ALCAM: variants seen among roughly 807,000 people sequenced by gnomAD.
The protein encoded by ALCAM is CD166 antigen.
In ALCAM, 30 loss-of-function variants were observed where a neutral mutation model predicts 70.9. That is an observed-to-expected ratio of 0.42 (90% CI 0.32 to 0.57). ALCAM has a LOEUF of 0.57. Ranked by LOEUF, ALCAM falls within the 20% of genes least tolerant of loss-of-function variation. The probability of loss-of-function intolerance (pLI) is 0.11; values close to 1 mark genes in which losing one functional copy is unlikely to be tolerated. For synonymous variants in ALCAM, 249 were observed against 242.5 expected (o/e 1.03, Z -0.25); for missense variants, 591 against 695.1 (o/e 0.85, Z 1.68).
chr3:105,499,222 A>T (rs1938853160), intron 1 of ALCAM, among the ~76,000 whole-genome samples: 1 of 152,228 alleles, frequency 6.6e-6, no homozygotes, highest in African/African-American at 2.4e-5. Context: ...TATCTTTAAT[A>T]TCTAAGAACT....
chr3:105,557,849 A>C (rs942921918), intron 14 of ALCAM, among the ~76,000 whole-genome samples: 2 of 152,184 alleles, frequency 1.3e-5, no homozygotes, highest in African/African-American at 4.8e-5. Context: ...TTCTAAAGAC[A>C]TAAAATTTTC....
chr3:105,396,206 A>G (rs1935947366), intron 1 of ALCAM, among the ~76,000 whole-genome samples: 1 of 152,088 alleles, frequency 6.6e-6, no homozygotes, highest in African/African-American at 2.4e-5. Flanking sequence ...TACTGTATCT[A>G]TATTCAACAA....
intron 14 of ALCAM, among the ~76,000 whole-genome samples, chr3:105,555,236 T>G (rs1182149901): frequency 6.6e-6 from 1 of 152,038 alleles, no homozygotes; most frequent in African/African-American, 2.4e-5. Flanking sequence ...AACATTCATC[T>G]AAATAACTGT....
chr3:105,550,057 A>G, intron 11 of ALCAM, 70 bp from the exon 12 acceptor site: 1 of 1,417,684 alleles, frequency 7.1e-7, no homozygotes, highest in Non-Finnish European at 9.7e-7. Flanking sequence ...TATTACAGTC[A>G]TCATTACTCT....
intron 1 of ALCAM, among the ~76,000 whole-genome samples, chr3:105,454,868 C>T (rs906458485): frequency 3.3e-5 from 5 of 151,234 alleles, no homozygotes; most frequent in African/African-American, 9.7e-5. Flanking sequence ...TTAGTAGAGA[C>T]GGAGTTTCAC....
intron 1 of ALCAM, among the ~76,000 whole-genome samples, chr3:105,518,660 TA>T (rs1559818892): frequency 6.6e-6 from 1 of 152,088 alleles, no homozygotes; most frequent in Non-Finnish European, 1.5e-5. Context: ...AAAACAATTT[TA>T]AAATTATAGA....
intron 3 of ALCAM, among the ~76,000 whole-genome samples, chr3:105,528,731 G>A (rs1278440161): frequency 6.6e-6 from 1 of 152,116 alleles, no homozygotes; most frequent in Non-Finnish European, 1.5e-5. Flanking sequence ...GCCTTTCAGA[G>A]GGAGGAGGGT....
At chr3:105,483,308 G>A (rs1035108884) in intron 1 of ALCAM, among the ~76,000 whole-genome samples, 15 of 152,112 alleles carry the variant, frequency 9.9e-5, no homozygotes, top group Non-Finnish European at 1.8e-4. Context: ...AGGCATTAAA[G>A]TGAGCTGTGG....
chr3:105,403,434 C>T (rs1224772369), intron 1 of ALCAM, among the ~76,000 whole-genome samples: 1 of 152,158 alleles, frequency 6.6e-6, no homozygotes, highest in East Asian at 1.9e-4. Context: ...CTCCCCAGTA[C>T]CAGCCTAAGC....
intron 1 of ALCAM, among the ~76,000 whole-genome samples, chr3:105,477,055 TC>T (rs1207118011): frequency 6.6e-6 from 1 of 152,052 alleles, no homozygotes; most frequent in Non-Finnish European, 1.5e-5. Flanking sequence ...GCCTTTTGCC[TC>T]CCACCATGAT....
At chr3:105,387,505 T>A (rs1338660350) in intron 1 of ALCAM, among the ~76,000 whole-genome samples, 1 of 151,614 alleles carries the variant, frequency 6.6e-6, no homozygotes, top group Non-Finnish European at 1.5e-5. Flanking sequence ...ATATAGTTGC[T>A]TCACAAACAA....
intron 1 of ALCAM, among the ~76,000 whole-genome samples, chr3:105,438,895 G>A (rs1937111555): frequency 6.6e-6 from 1 of 151,592 alleles, no homozygotes; most frequent in Admixed American, 6.6e-5. Context: ...AAGGAAGGAA[G>A]GAAGGAGGAA....
intron 1 of ALCAM, among the ~76,000 whole-genome samples, chr3:105,458,504 T>C (rs1198455969): frequency 2.6e-5 from 4 of 152,192 alleles, no homozygotes; most frequent in Admixed American, 2.6e-4. Flanking sequence ...ATATTGTCTC[T>C]TTCCTTGATT....
At chr3:105,457,540 T>G (rs1937550550) in intron 1 of ALCAM, among the ~76,000 whole-genome samples, 1 of 151,854 alleles carries the variant, frequency 6.6e-6, no homozygotes, top group Non-Finnish European at 1.5e-5. Context: ...CTTGTACCCC[T>G]GAACCTAAAA....
At chr3:105,405,799 A>G (rs1479318282) in intron 1 of ALCAM, among the ~76,000 whole-genome samples, 1 of 152,220 alleles carries the variant, frequency 6.6e-6, no homozygotes, top group Non-Finnish European at 1.5e-5. Context: ...TTGCTCCTCC[A>G]TGATCATTGC....
intron 1 of ALCAM, among the ~76,000 whole-genome samples, chr3:105,490,915 GT>G (rs1938565906): frequency 6.6e-6 from 1 of 152,172 alleles, no homozygotes; most frequent in African/African-American, 2.4e-5. Flanking sequence ...TCTTCTCACA[GT>G]GCCCCAATGG....
intron 14 of ALCAM, among the ~76,000 whole-genome samples, chr3:105,567,071 GT>G (rs1463344825): frequency 6.6e-6 from 1 of 152,044 alleles, no homozygotes; most frequent in Non-Finnish European, 1.5e-5. Flanking sequence ...TTTTAAAGAT[GT>G]TTAATTATCT....
At chr3:105,420,767 C>T (rs540892201) in intron 1 of ALCAM, among the ~76,000 whole-genome samples, 1 of 151,516 alleles carries the variant, frequency 6.6e-6, no homozygotes, top group Admixed American at 6.6e-5. Flanking sequence ...ATATTTACAC[C>T]TAATTATAAT....
chr3:105,440,178 C>T (rs936891193), intron 1 of ALCAM, among the ~76,000 whole-genome samples: 1 of 152,032 alleles, frequency 6.6e-6, no homozygotes, highest in African/African-American at 2.4e-5. Context: ...AGAGAAAGCA[C>T]CTTGGGGAAG....
Sources: gnomAD v4.1 joint callset for allele counts (sites outside exome capture counted in the v4.1 genomes callset) on GRCh38, gnomAD v4.1.1 for gene constraint, MANE v1.5 for transcripts, NCBI Gene and HGNC (gene_info 2026-07-23, HGNC 2026-07-21) for gene names.